SPECC1: variants seen among roughly 807,000 people sequenced by gnomAD.
SPECC1 encodes cytospin-B.
SPECC1 carries 62 observed loss-of-function variants against 104.1 expected under a neutral mutation model. The ratio of observed to expected loss-of-function variants is 0.60; its 90% confidence interval spans 0.49 to 0.74. SPECC1 has a LOEUF of 0.74. Ranked by LOEUF, SPECC1 falls within the 30% of genes least tolerant of loss-of-function variation. The pLI, the probability that SPECC1 is intolerant of heterozygous loss-of-function variation, is 0.00. For synonymous variants in SPECC1, 513 were observed against 501.6 expected, an observed-to-expected ratio of 1.02 and a Z score of -0.30; for missense variants, 1,306 against 1,310.5, an observed-to-expected ratio of 1.00 and a Z score of 0.05.
chr17:20,230,588 A>C (rs79540967), intron 5 of SPECC1, among the ~76,000 whole-genome samples: 4,934 of 152,340 alleles, frequency 0.032, 119 homozygotes, highest in Middle Eastern at 0.065. Flanking sequence ...GTCAGCACAG[A>C]CACACTAAGA....
chr17:20,249,618 C>T (rs1157685271), intron 9 of SPECC1, among the ~76,000 whole-genome samples: 3 of 151,820 alleles, frequency 2.0e-5, no homozygotes, highest in Non-Finnish European at 4.4e-5. Context: ...CAGAAAACCA[C>T]AATGTATAAA....
chr17:20,227,458 G>A lies in SPECC1; in HGVS notation c.1909G>A (p.Ala637Thr), dbSNP rs199989384. Residue 637 changes from alanine to threonine, a missense_variant, in exon 5 of 15, where the codon GCC becomes ACC. Transcript: ENST00000395527. ...SYLKEICDHQ[A>T]EQLSRTSLKL... ...CCTGAAGGAGATATGTGATCACCAA[G>A]CCGAACAGCTGAGCAGAACCAGCCT... is the stretch of plus-strand genomic sequence containing the variant. 534 of 1,613,630 alleles carry A rather than the reference G, an allele frequency of 3.3e-4. 5 individuals carry two copies. In the South Asian group the frequency reaches 3.4e-3, roughly 10 times the overall value.
chr17:20,244,537 G>A (rs937989205), intron 7 of SPECC1, among the ~76,000 whole-genome samples: 1 of 152,070 alleles, frequency 6.6e-6, no homozygotes, highest in East Asian at 1.9e-4. Flanking sequence ...AAGATTGTAA[G>A]GCAGTGTGGT....
At chr17:20,291,359 T>TG (rs915442757) in intron 12 of SPECC1, among the ~76,000 whole-genome samples, 4 of 152,220 alleles carry the variant, frequency 2.6e-5, no homozygotes, top group African/African-American at 9.6e-5. Context: ...AAATGGGACA[T>TG]GTGCTTCAGA....
intron 1 of SPECC1, among the ~76,000 whole-genome samples, chr17:20,052,691 G>A (rs1341108430): frequency 6.6e-6 from 1 of 152,158 alleles, no homozygotes; most frequent in East Asian, 1.9e-4. Context: ...TTAGATACGT[G>A]GCCCAATCAA....
chr17:20,058,835 C>CTTTTTTTTTTT (rs58811372), intron 1 of SPECC1, among the ~76,000 whole-genome samples: 5 of 103,568 alleles, frequency 4.8e-5, no homozygotes, highest in East Asian at 2.7e-4. Flanking sequence ...CACTTTATTT[C>CTTTTTTTTTTT]TTTTTTTTTT....
At position 20,236,587 on chromosome 17, in the gene SPECC1, C is replaced by A. The variant is rs190892042; in HGVS notation, c.2351+4182C>A. ...ATGGTGTTCATCCTGGACATCTCTG[C>A]TTCACCACACAGTTCTTTGCTGGAG... On this transcript the variant is annotated intron_variant, in intron 7 of 14. Transcript: ENST00000395527. Among the ~76,000 whole-genome samples the A allele has an allele frequency of 3.3e-3, 488 of 149,882 alleles. 3 individuals carry two copies. The highest frequency in any genetic ancestry group is 0.011 in the African/African-American group (461 of 40,680).
intron 1 of SPECC1, among the ~76,000 whole-genome samples, chr17:20,022,209 G>A (rs2044420246): frequency 6.6e-6 from 1 of 152,126 alleles, no homozygotes; most frequent in Non-Finnish European, 1.5e-5. Flanking sequence ...CCAAAGTGCT[G>A]GGATTACAGG....
At chr17:20,107,677 G>A (rs982940749) in intron 2 of SPECC1, among the ~76,000 whole-genome samples, 7 of 151,422 alleles carry the variant, frequency 4.6e-5, no homozygotes, top group Admixed American at 1.3e-4. Flanking sequence ...GGCTCATCTC[G>A]AACTCACCTG....
At chr17:20,135,467 T>C (rs1201719473) in intron 3 of SPECC1, among the ~76,000 whole-genome samples, 1 of 152,198 alleles carries the variant, frequency 6.6e-6, no homozygotes, top group Non-Finnish European at 1.5e-5. Flanking sequence ...TATGTATTCA[T>C]TTGAGACAGG....
rs11268344 is a variant in SPECC1 at position 20,051,133 on chromosome 17, T to TTTCTTTCCTTCTTTCC, written c.-22+41741_-22+41756dup. On this transcript the variant is annotated intron_variant, in intron 1 of 14. Transcript: ENST00000395527. The stretch of plus-strand genomic sequence containing the variant: ...CTTTCTTTCTTTCTTTCTTTCTTTC[T>TTTCTTTCCTTCTTTCC]TTCTTTCCTTCTTTCCTTCTTTCCT... Among the ~76,000 whole-genome samples, 46 of 40,894 alleles carry TTTCTTTCCTTCTTTCC rather than the reference T, an allele frequency of 1.1e-3. 3 individuals carry two copies. Among genetic ancestry groups the TTTCTTTCCTTCTTTCC allele is most frequent in the South Asian group, 3.5e-3 (4 of 1,156 alleles). The allele number at this position is 40,894 out of a possible 152,430, so 26.8% of individuals were successfully genotyped here.
chr17:20,266,198 A>G (rs546168570), intron 12 of SPECC1, among the ~76,000 whole-genome samples: 1 of 152,286 alleles, frequency 6.6e-6, no homozygotes, highest in Middle Eastern at 3.4e-3. Context: ...GATTTTTCCA[A>G]TCCATGAGCA....
At chr17:20,221,752 C>CT (rs2037889072) in intron 4 of SPECC1, among the ~76,000 whole-genome samples, 1 of 151,886 alleles carries the variant, frequency 6.6e-6, no homozygotes, top group African/African-American at 2.4e-5. Context: ...AAGTTTTTCT[C>CT]TGTTTTTGAT....
intron 1 of SPECC1, among the ~76,000 whole-genome samples, chr17:20,042,063 A>G (rs1248340976): frequency 6.6e-6 from 1 of 152,208 alleles, no homozygotes; most frequent in Non-Finnish European, 1.5e-5. Context: ...AATGATCCTC[A>G]ATGAAAACTT....
Position 20,144,175 on chromosome 17 carries a change from CTTTTTTTTTTTTTT to C in SPECC1, c.283+33627_283+33640del, listed in dbSNP as rs1168474738. On this transcript the variant is annotated intron_variant, in intron 3 of 14. Transcript: ENST00000395527. ...TTATTTAATACTGTTTTTTTCTTTT[CTTTTTTTTTTTTTT>C]TTTTTTTTTTTTTGAGGCAGGGTCT... 6.4e-5 allele frequency among the ~76,000 whole-genome samples: 6 copies of C among 94,408 alleles called. No homozygotes were observed. The South Asian group carries it at 2.2e-3, about 34-fold the overall frequency. The allele number at this position is 94,408 out of a possible 152,430, so 61.9% of individuals were successfully genotyped here. A position where few individuals can be genotyped will look rare whatever the true frequency, so the allele number is the denominator to read the frequency against.
At chr17:20,259,271 A>G (rs572729666) in intron 11 of SPECC1, among the ~76,000 whole-genome samples, 1 of 152,238 alleles carries the variant, frequency 6.6e-6, no homozygotes, top group Non-Finnish European at 1.5e-5. Flanking sequence ...TAAATAATCA[A>G]AAGAGGTTTT....
intron 1 of SPECC1, among the ~76,000 whole-genome samples, chr17:20,080,376 A>G (rs1389197867): frequency 2.0e-5 from 3 of 152,196 alleles, no homozygotes; most frequent in African/African-American, 4.8e-5. Context: ...GCATTTATTT[A>G]TTTTGTTTAA....
chr17:20,167,517 A>G (rs1238000277), intron 3 of SPECC1, among the ~76,000 whole-genome samples: 1 of 152,090 alleles, frequency 6.6e-6, no homozygotes, highest in Non-Finnish European at 1.5e-5. Flanking sequence ...TATCTCTACT[A>G]AAAACACAAA....
intron 3 of SPECC1, among the ~76,000 whole-genome samples, chr17:20,201,875 A>C (rs780468384): frequency 2.6e-5 from 4 of 152,212 alleles, no homozygotes; most frequent in Non-Finnish European, 4.4e-5. Context: ...AATACATTGG[A>C]AAATTATTTG....
Sources: allele counts gnomAD v4.1 joint callset (sites outside exome capture counted in the v4.1 genomes callset), GRCh38; gene constraint gnomAD v4.1.1; transcripts MANE v1.5; gene names NCBI Gene and HGNC (gene_info 2026-07-23, HGNC 2026-07-21).